The following PSMA1 variants were observed in gnomAD, a reference collection of about 807,000 sequenced individuals.
The protein encoded by PSMA1 is proteasome subunit alpha type-1.
Under a neutral mutation model 38.4 loss-of-function variants are expected in PSMA1, and 3 were observed. The ratio of observed to expected loss-of-function variants is 0.08; its 90% CI spans 0.04 to 0.20. The LOEUF is 0.20. Among genes scored for constraint, PSMA1 ranks in the 10% least tolerant of loss-of-function variants. PSMA1 has a pLI of 1.00. For missense variants in PSMA1, 227 were observed against 325.3 expected, an observed-to-expected ratio of 0.70 and a Z score of 2.32; for synonymous variants, 101 against 107.1, an observed-to-expected ratio of 0.94 and a Z score of 0.35.
At chr11:14,604,928 C>T (rs919033212) in intron 2 of PSMA1, among the ~76,000 whole-genome samples, 11 of 152,118 alleles carry the variant, frequency 7.2e-5, no homozygotes, top group African/African-American at 1.7e-4. Flanking sequence ...ATTATATGTA[C>T]CACATTTTCT....
intron 2 of PSMA1, among the ~76,000 whole-genome samples, chr11:14,549,040 G>A (rs554648145): frequency 1.3e-5 from 2 of 152,006 alleles, no homozygotes; most frequent in Non-Finnish European, 2.9e-5. Flanking sequence ...AAAAAGCCCT[G>A]ATGGTTGCTA....
At chr11:14,582,460 A>AAAC (rs61191715) in intron 2 of PSMA1, among the ~76,000 whole-genome samples, 6 of 151,610 alleles carry the variant, frequency 4.0e-5, no homozygotes, top group East Asian at 2.0e-4. Context: ...AGCAAAAACA[A>AAAC]AACAACAACA....
chr11:14,603,290 A>C (rs1852606098), intron 2 of PSMA1, among the ~76,000 whole-genome samples: 1 of 152,156 alleles, frequency 6.6e-6, no homozygotes, highest in Non-Finnish European at 1.5e-5. Flanking sequence ...GCACTTTGTT[A>C]AGGGGAGAAA....
chr11:14,604,040 C>T (rs1332856710), intron 2 of PSMA1, among the ~76,000 whole-genome samples: 1 of 152,176 alleles, frequency 6.6e-6, no homozygotes, highest in African/African-American at 2.4e-5. Context: ...CTCTTCCCAC[C>T]ATTAAAATAC....
chr11:14,640,396 A>G (rs577997969), intron 1 of PSMA1, among the ~76,000 whole-genome samples: 26 of 152,374 alleles, frequency 1.7e-4, no homozygotes, highest in Middle Eastern at 6.8e-3. Flanking sequence ...GTTCTTAATC[A>G]CATATTTATT....
chr11:14,618,784 C>A (rs555475359), intron 1 of PSMA1, among the ~76,000 whole-genome samples: 1 of 152,310 alleles, frequency 6.6e-6, no homozygotes, highest in East Asian at 1.9e-4. Flanking sequence ...AGAAACTATT[C>A]CCTGAAGGAT....
chr11:14,517,769 TAAAA>T (rs59770964), intron 3 of PSMA1, 24 bp from the exon 4 acceptor site: 1,066 of 1,316,184 alleles, frequency 8.1e-4, no homozygotes, highest in South Asian at 1.3e-3. Flanking sequence ...TTATAAGATG[TAAAA>T]AAAAAAAAAA....
intron 8 of PSMA1, among the ~76,000 whole-genome samples, chr11:14,509,384 C>CT (rs1851301933): frequency 6.6e-6 from 1 of 152,120 alleles, no homozygotes. Context: ...TACTCTTCAT[C>CT]TTTAACTCTG....
At chr11:14,629,305 A>C (rs1347749651) in intron 1 of PSMA1, among the ~76,000 whole-genome samples, 1 of 152,116 alleles carries the variant, frequency 6.6e-6, no homozygotes, top group Admixed American at 6.5e-5. Context: ...TTTTAGGTCT[A>C]ACGTTTAAGT....
At chr11:14,538,478 G>T (rs765887635) in intron 2 of PSMA1, among the ~76,000 whole-genome samples, 4 of 152,206 alleles carry the variant, frequency 2.6e-5, no homozygotes, top group Non-Finnish European at 4.4e-5. Flanking sequence ...TGCCTTTTCA[G>T]CTGGTCTTGG....
intron 8 of PSMA1, 25 bp from the exon 9 acceptor site, chr11:14,507,791 T>A: frequency 1.4e-6 from 2 of 1,421,766 alleles, no homozygotes; most frequent in Non-Finnish European, 2.0e-6. Context: ...ATGGTAAAAG[T>A]AAAATAAGAG....
At chr11:14,543,811 T>C (rs2134165468) in intron 2 of PSMA1, among the ~76,000 whole-genome samples, 1 of 152,324 alleles carries the variant, frequency 6.6e-6, no homozygotes, top group East Asian at 1.9e-4. Flanking sequence ...GAAAAAAATA[T>C]TGGTTCTGTT....
At chr11:14,631,228 T>C (rs987225162) in intron 1 of PSMA1, among the ~76,000 whole-genome samples, 1 of 152,216 alleles carries the variant, frequency 6.6e-6, no homozygotes, top group Non-Finnish European at 1.5e-5. Flanking sequence ...AGTTTGCTCT[T>C]GCTTTTCTAG....
chr11:14,540,078 GT>G (rs1348326127), intron 2 of PSMA1, among the ~76,000 whole-genome samples: 3 of 152,180 alleles, frequency 2.0e-5, no homozygotes, highest in African/African-American at 7.2e-5. Flanking sequence ...CTGGCACAGG[GT>G]TTCCATTTGT....
chr11:14,602,460 A>C (rs1336373339), intron 2 of PSMA1, among the ~76,000 whole-genome samples: 1 of 152,030 alleles, frequency 6.6e-6, no homozygotes, highest in African/African-American at 2.4e-5. Context: ...TTAGACTTCC[A>C]GAGGTATGAA....
At chr11:14,535,746 T>C (rs1205953584) in intron 2 of PSMA1, among the ~76,000 whole-genome samples, 1 of 152,062 alleles carries the variant, frequency 6.6e-6, no homozygotes, top group African/African-American at 2.4e-5. Flanking sequence ...CACCCGGCCA[T>C]TCATGGGAAA....
intron 2 of PSMA1, among the ~76,000 whole-genome samples, chr11:14,528,269 A>G (rs1851608875): frequency 6.6e-6 from 1 of 152,090 alleles, no homozygotes; most frequent in Non-Finnish European, 1.5e-5. Context: ...ACACTCTCTA[A>G]TTGGACATCC....
At chr11:14,611,689 T>C (rs1852710604) in intron 1 of PSMA1, among the ~76,000 whole-genome samples, 2 of 152,146 alleles carry the variant, frequency 1.3e-5, no homozygotes, top group Admixed American at 6.5e-5. Flanking sequence ...GACCACAGAA[T>C]TGGGTTAATC....
intron 1 of PSMA1, among the ~76,000 whole-genome samples, chr11:14,614,902 C>G (rs1279074255): frequency 1.3e-5 from 2 of 152,190 alleles, no homozygotes; most frequent in Admixed American, 6.5e-5. Flanking sequence ...AAACTATGCT[C>G]ATGTCACTCT....
Sources: allele counts gnomAD v4.1 joint callset (sites outside exome capture counted in the v4.1 genomes callset), GRCh38; gene constraint gnomAD v4.1.1; transcripts MANE v1.5; gene names NCBI Gene and HGNC (gene_info 2026-07-23, HGNC 2026-07-21).